Variants in ANKRA2 observed in about 807,000 individuals in gnomAD.
ANKRA2 encodes ankyrin repeat family A protein 2.
In ANKRA2, 33 loss-of-function variants were observed where a neutral mutation model predicts 37.8. The observed-to-expected ratio is 0.87, with a 90% CI of 0.66 to 1.17. The LOEUF (loss-of-function observed/expected upper bound fraction) is 1.17. ANKRA2 is among the 50% of genes most tolerant of loss of function. The pLI, the probability that ANKRA2 is intolerant of heterozygous loss-of-function variation, is 0.00. For synonymous variants in ANKRA2, 126 were observed against 132.3 expected (o/e 0.95, Z 0.33); for missense variants, 326 against 373.7 (o/e 0.87, Z 1.05).
chr5:73,562,933 G>A lies in ANKRA2; in HGVS notation c.-52C>T, dbSNP rs1561271822. 1 of 1,492,842 alleles carries A rather than the reference G, an allele frequency of 6.7e-7. No homozygotes were observed. The highest frequency in any genetic ancestry group is 1.3e-5 in the South Asian group (1 of 75,220). The allele number at this position is 1,492,842 out of a possible 1,614,324, so 92.5% of individuals were successfully genotyped here. A position where few individuals can be genotyped will look rare whatever the true frequency, so the allele number is the denominator to read the frequency against. ...AAACATTTCTTCATGATTTCCTCTT[G>A]GTTTTGTAAGAGCAGTATCCAGTGT... On this transcript the variant is annotated 5_prime_UTR_variant, in exon 2 of 9. Transcript: ENST00000296785.
At position 73,554,742 on chromosome 5, in the gene ANKRA2, A is replaced by C. The variant is rs960790787; in HGVS notation, c.738+119T>G. 4.9e-6 allele frequency: 6 copies of C among 1,215,232 alleles called. No individual in the cohort carries two copies. The African/African-American group carries it at 6.1e-5, about 12-fold the overall frequency. 75.3% of individuals were successfully genotyped at this position (1,215,232 alleles called of 1,614,324 possible). A position where few individuals can be genotyped will look rare whatever the true frequency, so the allele number is the denominator to read the frequency against. ...CAGCCTCCCAAGTGGCTGGGACTAC[A>C]GGTGTACACCACGATGCTCAGTCTA... On this transcript the variant is annotated intron_variant, in intron 6 of 8. Transcript: ENST00000296785.
rs1337288964 is a variant in ANKRA2 at position 73,555,483 on chromosome 5, C to T, written c.612+5G>A. 6 of 1,612,688 alleles carry T rather than the reference C, an allele frequency of 3.7e-6. No homozygotes were observed. Among genetic ancestry groups the T allele is most frequent in the Non-Finnish European group, 4.2e-6 (5 of 1,179,012 alleles). On this transcript the variant is annotated splice_donor_5th_base_variant and intron_variant, in intron 5 of 8. Coordinates refer to ENST00000296785, the MANE Select transcript of ANKRA2 (RefSeq NM_023039.5). ...CATATACATTTTCTGAGGCATTTTC[C>T]TTACATTCTGAAGTAGGAACTCTAC...
rs1017297048 is a variant in ANKRA2, at chr5:73,565,237, G to A, written c.-210C>T. On this transcript the variant is annotated 5_prime_UTR_variant, in exon 1 of 9. Transcript: ENST00000296785. ...CGTTCTGTCGCCACCGGCCAGCTGTGCCCGAAAAGTCCCAGGAAGAAACTC... is the reference window on the plus strand; with the variant it reads ...CGTTCTGTCGCCACCGGCCAGCTGTACCCGAAAAGTCCCAGGAAGAAACTC... 6.6e-6 allele frequency: 1 copy of A among 152,480 alleles called. No individual in the cohort carries two copies. Among genetic ancestry groups the A allele is most frequent in the African/African-American group, 2.4e-5 (1 of 41,422 alleles). The allele number at this position is 152,480 out of a possible 1,614,324, so 9.4% of individuals were successfully genotyped here.
Position 73,555,502 on chromosome 5 carries a change from A to G in ANKRA2, c.598T>C (p.Phe200Leu). The G allele has an allele frequency of 6.2e-7, 1 of 1,613,212 alleles. No individual in the cohort carries two copies. Among genetic ancestry groups the G allele is most frequent in the Non-Finnish European group, 8.5e-7 (1 of 1,179,388 alleles). Residue 200 changes from phenylalanine (F) to leucine (L), a missense_variant, in exon 5 of 9, where the codon TTC (phenylalanine) becomes CTC (leucine). Transcript: ENST00000296785. ...AAHGQIAVVE[F>L]LLQNGADPQL... Reference sequence around the variant, plus strand: ...ATTTTCCTTACATTCTGAAGTAGGAACTCTACCACAGCTATTTGCCCGTGT... The same window carrying G: ...ATTTTCCTTACATTCTGAAGTAGGAGCTCTACCACAGCTATTTGCCCGTGT...
chr5:73,552,551 C>A lies in ANKRA2; in HGVS notation c.*246G>T. 1 of 379,374 alleles carries A rather than the reference C, an allele frequency of 2.6e-6. No individual in the cohort carries two copies. The highest frequency in any genetic ancestry group is 4.7e-6 in the Non-Finnish European group (1 of 214,610). The allele number at this position is 379,374 out of a possible 1,614,324, so 23.5% of individuals were successfully genotyped here. ...TGATACAAAGACTGATGATAACTATCTGTACCATAAAAATTTACATGCCAC... is the reference window on the plus strand; with the variant it reads ...TGATACAAAGACTGATGATAACTATATGTACCATAAAAATTTACATGCCAC... On this transcript the variant is annotated 3_prime_UTR_variant, in exon 9 of 9. Coordinates refer to ENST00000296785, the MANE Select transcript of ANKRA2 (RefSeq NM_023039.5).
chr5:73,555,641 C>T, intron 4 of ANKRA2, 56 bp from the exon 5 acceptor site: 6 of 1,476,300 alleles, frequency 4.1e-6, no homozygotes, highest in Non-Finnish European at 5.6e-6. Flanking sequence ...ATCTTAATAT[C>T]ACTATGAAAA....
chr5:73,555,467 T>A (rs1747373235), intron 5 of ANKRA2, 21 bp downstream of exon 5: 1 of 1,611,910 alleles, frequency 6.2e-7, no homozygotes, highest in African/African-American at 1.3e-5. Flanking sequence ...ACATATACAT[T>A]TTCTGAGGCA....
At chr5:73,563,536 C>G (rs977731702) in intron 1 of ANKRA2, among the ~76,000 whole-genome samples, 1 of 152,098 alleles carries the variant, frequency 6.6e-6, no homozygotes, top group Non-Finnish European at 1.5e-5. Flanking sequence ...ATTCCTAGAC[C>G]ATGAAAGGCT....
chr5:73,561,498 G>A, intron 2 of ANKRA2: 1 of 477,874 alleles, frequency 2.1e-6, no homozygotes. Context: ...TGGGCATGGT[G>A]CTCACGCCTG....
chr5:73,558,120 A>G (rs903142045), intron 3 of ANKRA2, among the ~76,000 whole-genome samples: 5 of 151,988 alleles, frequency 3.3e-5, no homozygotes, highest in African/African-American at 1.2e-4. Context: ...ATTGATTCAT[A>G]TTTATTTAAG....
chr5:73,554,812 A>G (rs1226478324), intron 6 of ANKRA2, 49 bp downstream of exon 6: 4 of 1,583,088 alleles, frequency 2.5e-6, no homozygotes, highest in Non-Finnish European at 2.6e-6. Context: ...AAACCAAATA[A>G]ATTCTAAAAC....
intron 7 of ANKRA2, 122 bp downstream of exon 7, chr5:73,554,200 A>C (rs945895115): frequency 8.8e-6 from 8 of 904,784 alleles, no homozygotes; most frequent in Non-Finnish European, 1.4e-5. Context: ...AAGGGTGAAG[A>C]GCAGCAAGAT....
At position 73,562,696 on chromosome 5, in the gene ANKRA2, C is replaced by T; in HGVS notation, c.186G>A (p.Met62Ile). 1.9e-6 allele frequency: 3 copies of T among 1,614,174 alleles called. No individual in the cohort carries two copies. The highest frequency in any genetic ancestry group is 1.7e-6 in the Non-Finnish European group (2 of 1,180,032). Residue 62 changes from methionine (M) to isoleucine (I), a missense_variant, in exon 2 of 9, where the codon ATG (methionine) becomes ATA (isoleucine). Physicochemically the swap from Met to Ile is conservative, Grantham distance 10. Transcript: ENST00000296785. ...ACTTCACAAATCGAGAACACACATTCATATCAAATCGGTTAGGCAATATGA... is the reference window on the plus strand; with the variant it reads ...ACTTCACAAATCGAGAACACACATTTATATCAAATCGGTTAGGCAATATGA... The part of the protein sequence containing the change: ...MKFILPNRFD[M>I]NVCSRFVKSL...
chr5:73,563,235 A>G (rs183988908), intron 1 of ANKRA2, among the ~76,000 whole-genome samples: 26 of 152,360 alleles, frequency 1.7e-4, no homozygotes, highest in African/African-American at 6.0e-4. Flanking sequence ...GGATATCACC[A>G]TTAACCTTAT....
chr5:73,561,370 A>G, intron 2 of ANKRA2, 82 bp from the exon 3 acceptor site: 1 of 1,286,090 alleles, frequency 7.8e-7, no homozygotes, highest in Non-Finnish European at 1.1e-6. Flanking sequence ...AAAGAAATAC[A>G]TGAGGTGTAA....
At chr5:73,556,436 A>G (rs752209422) in intron 4 of ANKRA2, among the ~76,000 whole-genome samples, 23 of 152,232 alleles carry the variant, frequency 1.5e-4, no homozygotes, top group Non-Finnish European at 3.4e-4. Context: ...TAAAGCATGA[A>G]AATAAAAATA....
intron 4 of ANKRA2, 129 bp from the exon 5 acceptor site, chr5:73,555,714 TG>T: frequency 4.0e-6 from 3 of 759,034 alleles, no homozygotes; most frequent in Non-Finnish European, 6.4e-6. Flanking sequence ...GACTTTATGT[TG>T]GTGTCCTATT....
chr5:73,563,007 T>C, intron 1 of ANKRA2, 22 bp from the exon 2 acceptor site: 2 of 864,088 alleles, frequency 2.3e-6, no homozygotes, highest in Non-Finnish European at 3.4e-6. Flanking sequence ...AATTAGAAAA[T>C]TAAAAGTATT....
rs564973516 is a variant in ANKRA2 at position 73,562,411 on chromosome 5, T to C, written c.289+182A>G. 1.1e-5 allele frequency: 6 copies of C among 523,746 alleles called. No individual in the cohort carries two copies. In the South Asian group the frequency reaches 1.8e-4, roughly 16 times the overall value. 32.4% of individuals were successfully genotyped at this position (523,746 alleles called of 1,614,324 possible). ...TTTAAAAAAATCAACATGTACTTCC[T>C]TTAAATTAGATATTATATAATCTGA... On this transcript the variant is annotated intron_variant, in intron 2 of 8. Coordinates refer to ENST00000296785, the MANE Select transcript of ANKRA2 (RefSeq NM_023039.5).
Sources: allele counts gnomAD v4.1 joint callset (sites outside exome capture counted in the v4.1 genomes callset), GRCh38; gene constraint gnomAD v4.1.1; transcripts MANE v1.5; gene names NCBI Gene and HGNC (gene_info 2026-07-23, HGNC 2026-07-21).